TMEM178B: variants seen among roughly 807,000 people sequenced by gnomAD.
TMEM178B encodes the protein transmembrane protein 178B.
In TMEM178B, 5 loss-of-function variants were observed where a neutral mutation model predicts 31.0. That is an observed-to-expected ratio of 0.16 (90% CI 0.08 to 0.34). The LOEUF (loss-of-function observed/expected upper bound fraction) is 0.34. Among genes scored for constraint, TMEM178B ranks in the 10% least tolerant of loss-of-function variants. TMEM178B has a pLI of 1.00. For missense variants in TMEM178B, 275 were observed against 400.3 expected, an observed-to-expected ratio of 0.69 and a Z score of 2.67; for synonymous variants, 164 against 164.0, an observed-to-expected ratio of 1.00 and a Z score of 0.00.
chr7:141,074,281 A>C lies in TMEM178B; in HGVS notation c.-30A>C. Reference sequence around the variant, plus strand: ...AGGGAAGGCGAGGCTGCGGCGGATCATGCCCATGGTGTAGCCGCCAAGCGG... The same window carrying C: ...AGGGAAGGCGAGGCTGCGGCGGATCCTGCCCATGGTGTAGCCGCCAAGCGG... On this transcript the variant is annotated 5_prime_UTR_variant, in exon 1 of 4. An upstream start codon of the reference 5' UTR is lost. Transcript: ENST00000565468. The surrounding 1 kb of genome is among the most constrained non-coding windows in gnomAD (Gnocchi z 5.1). 6.8e-7 allele frequency: 1 copy of C among 1,480,158 alleles called. No individual in the cohort carries two copies. Among genetic ancestry groups the C allele is most frequent in the South Asian group, 1.3e-5 (1 of 76,692 alleles). 91.7% of individuals were successfully genotyped at this position (1,480,158 alleles called of 1,614,324 possible). A position where few individuals can be genotyped will look rare whatever the true frequency, so the allele number is the denominator to read the frequency against.
rs561191195 is a variant in TMEM178B at position 141,423,785 on chromosome 7, A to G, written c.497-13823A>G. Among the ~76,000 whole-genome samples the G allele has an allele frequency of 8.4e-5, 12 of 143,556 alleles. No individual in the cohort carries two copies. In the East Asian group the frequency reaches 2.5e-3, roughly 30 times the overall value. 94.2% of individuals were successfully genotyped at this position (143,556 alleles called of 152,430 possible). ...TAAAGGGGCAGATTTGAGTAAGAAGATTTCTATAGTGACATTTGTGTTTTT... is the reference window on the plus strand; with the variant it reads ...TAAAGGGGCAGATTTGAGTAAGAAGGTTTCTATAGTGACATTTGTGTTTTT... On this transcript the variant is annotated intron_variant, in intron 2 of 3. Transcript: ENST00000565468.
the TMEM178B span, among the ~76,000 whole-genome samples, chr7:141,485,684 CT>C: frequency 6.6e-6 from 1 of 152,216 alleles, no homozygotes; most frequent in East Asian, 1.9e-4. Flanking sequence ...TGGAATAGCA[CT>C]TTGAACTCGA....
At chr7:141,415,138 C>T (rs977966685) in intron 2 of TMEM178B, 1 of 152,328 alleles carries the variant, frequency 6.6e-6, no homozygotes, top group Non-Finnish European at 1.5e-5. Context: ...TGAGGAGAGT[C>T]ACACAGGAAG....
At chr7:141,152,599 AG>A (rs1157212554) in intron 1 of TMEM178B, among the ~76,000 whole-genome samples, 1 of 152,046 alleles carries the variant, frequency 6.6e-6, no homozygotes, top group African/African-American at 2.4e-5. Context: ...TTTTTTTCTG[AG>A]ATAGCATTGT....
intron 2 of TMEM178B, among the ~76,000 whole-genome samples, chr7:141,371,820 C>A (rs1164318441): frequency 3.3e-5 from 5 of 152,192 alleles, no homozygotes; most frequent in African/African-American, 1.2e-4. Context: ...CCCTTCTCCT[C>A]CCTGCTAAAG....
At chr7:141,119,001 G>A (rs577702841) in intron 1 of TMEM178B, among the ~76,000 whole-genome samples, 1 of 152,160 alleles carries the variant, frequency 6.6e-6, no homozygotes, top group African/African-American at 2.4e-5. Context: ...AAGACATTTT[G>A]CTGAGTCAGG....
At chr7:141,100,969 G>A (rs1340205234) in intron 1 of TMEM178B, among the ~76,000 whole-genome samples, 1 of 152,170 alleles carries the variant, frequency 6.6e-6, no homozygotes, top group Non-Finnish European at 1.5e-5. Flanking sequence ...AACAGATGCC[G>A]TCAAAGAATC....
Position 141,344,598 on chromosome 7 carries a change from T to A in TMEM178B, c.497-93010T>A, listed in dbSNP as rs1453999134. On this transcript the variant is annotated intron_variant, in intron 2 of 3. Coordinates refer to ENST00000565468, the MANE Select transcript of TMEM178B (RefSeq NM_001195278.2). The surrounding 1 kb of genome is among the most constrained non-coding windows in gnomAD (Gnocchi z 4.1). ...TCCCTTCCTTCCTTCCTTCCTTCCT[T>A]CCTTCCTTCCTTCCTTCCTTCCTTC... Among the ~76,000 whole-genome samples the A allele has an allele frequency of 6.7e-6, 1 of 149,376 alleles. No homozygotes were observed. The highest frequency in any genetic ancestry group is 1.5e-5 in the Non-Finnish European group (1 of 67,426).
the TMEM178B span, among the ~76,000 whole-genome samples, chr7:141,499,464 C>CAAAA: frequency 0.022 from 1,118 of 50,516 alleles, 41 homozygotes; most frequent in African/African-American, 0.058. Context: ...CACATCTCTA[C>CAAAA]AAAAAAAAAA....
At position 141,471,971 on chromosome 7, in the gene TMEM178B, T is replaced by C. The variant is rs1397751116; in HGVS notation, c.*1185T>C. 6.6e-6 allele frequency: 1 copy of C among 152,260 alleles called. No homozygotes were observed. The highest frequency in any genetic ancestry group is 2.1e-4 in the South Asian group (1 of 4,828). The allele number at this position is 152,260 out of a possible 1,614,324, so 9.4% of individuals were successfully genotyped here. On this transcript the variant is annotated 3_prime_UTR_variant, in exon 4 of 4. Transcript: ENST00000565468. The surrounding 1 kb of genome is among the most constrained non-coding windows in gnomAD (Gnocchi z 4.1). ...TCTCCACATTACAGCTCTGGGACTC[T>C]GCACGATTTAGTCCTCTAATTTTGG...
At chr7:141,281,500 CA>C (rs1647198239) in intron 2 of TMEM178B, among the ~76,000 whole-genome samples, 1 of 152,148 alleles carries the variant, frequency 6.6e-6, no homozygotes. Flanking sequence ...TGGCAGGGAC[CA>C]AGGACTGCAG....
At chr7:141,232,896 G>T (rs1222952461) in intron 2 of TMEM178B, among the ~76,000 whole-genome samples, 1 of 152,178 alleles carries the variant, frequency 6.6e-6, no homozygotes, top group Non-Finnish European at 1.5e-5. Context: ...AGTAATGGAG[G>T]CACCACAGCC....
In TMEM178B at chr7:141,171,365, G is replaced by A. The variant is rs918977438; in HGVS notation, c.383-41226G>A. Among the ~76,000 whole-genome samples, 1 of 152,174 alleles carries A rather than the reference G, an allele frequency of 6.6e-6. No homozygotes were observed. The highest frequency in any genetic ancestry group is 2.4e-5 in the African/African-American group (1 of 41,416). On this transcript the variant is annotated intron_variant, in intron 1 of 3. Coordinates refer to ENST00000565468, the MANE Select transcript of TMEM178B (RefSeq NM_001195278.2). The surrounding 1 kb of genome is among the most constrained non-coding windows in gnomAD (Gnocchi z 4.3). ...GTGCTTACACACATTATCTTACTTT[G>A]TTTATATAACAATGCTATGATGTAG...
chr7:141,335,677 G>T (rs147263898), intron 2 of TMEM178B, among the ~76,000 whole-genome samples: 5 of 152,114 alleles, frequency 3.3e-5, no homozygotes, highest in Non-Finnish European at 7.4e-5. Context: ...CCCCATTAGC[G>T]CAATTTGATG....
In TMEM178B at chr7:141,115,028, G is replaced by A. The variant is rs575431888; in HGVS notation, c.382+40336G>A. On this transcript the variant is annotated intron_variant, in intron 1 of 3. Transcript: ENST00000565468. ...ATCCCAAGAAGGTCAGTTAGGATCT[G>A]TGGGATTTGTGTGTGTGTGTGTGTG... Among the ~76,000 whole-genome samples, 159 of 152,098 alleles carry A rather than the reference G, an allele frequency of 1.0e-3. 1 individual carries two copies. The highest frequency in any genetic ancestry group is 3.7e-3 in the African/African-American group (152 of 41,476).
In TMEM178B at chr7:141,462,891, G is replaced by A. The variant is rs561066632; in HGVS notation, c.635-7645G>A. On this transcript the variant is annotated intron_variant, in intron 3 of 3. Coordinates refer to ENST00000565468, the MANE Select transcript of TMEM178B (RefSeq NM_001195278.2). ...GGCTCAGAGATGGGAGTTGCGAGGT[G>A]ATGTTGTGGATGTGATTCCTGAAAG... 5.3e-5 allele frequency among the ~76,000 whole-genome samples: 8 copies of A among 152,104 alleles called. No homozygotes were observed. In the South Asian group the frequency reaches 1.5e-3, roughly 28 times the overall value.
chr7:141,492,494 A>G, the TMEM178B span, among the ~76,000 whole-genome samples: 1 of 152,224 alleles, frequency 6.6e-6, no homozygotes, highest in South Asian at 2.1e-4. Flanking sequence ...GCCTAGCACA[A>G]TGCCTGGCAC....
chr7:141,183,952 G>A (rs1796570002), intron 1 of TMEM178B, among the ~76,000 whole-genome samples: 1 of 152,172 alleles, frequency 6.6e-6, no homozygotes, highest in Non-Finnish European at 1.5e-5. Context: ...AGACACGATG[G>A]AACTGGACCT....
At chr7:141,234,974 T>C (rs1396338871) in intron 2 of TMEM178B, among the ~76,000 whole-genome samples, 1 of 152,236 alleles carries the variant, frequency 6.6e-6, no homozygotes, top group Non-Finnish European at 1.5e-5. Context: ...GTTGGCACTC[T>C]CTGAACAAGC....
Sources: allele counts gnomAD v4.1 joint callset (sites outside exome capture counted in the v4.1 genomes callset), GRCh38; gene constraint gnomAD v4.1.1; non-coding constraint Gnocchi (gnomAD v3.1); transcripts MANE v1.5; gene names NCBI Gene and HGNC (gene_info 2026-07-23, HGNC 2026-07-21).